BMPR1B: variants seen among roughly 807,000 people sequenced by gnomAD.
BMPR1B encodes bone morphogenetic protein receptor type 1B.
A neutral mutation model predicts 59.1 loss-of-function variants in BMPR1B; 12 were observed. That is an observed-to-expected ratio of 0.20 (90% CI 0.13 to 0.33). The LOEUF (loss-of-function observed/expected upper bound fraction) is 0.33, where lower values mean the gene tolerates loss of function less well. BMPR1B is among the 10% of genes least tolerant of loss of function. The pLI, the probability that BMPR1B is intolerant of heterozygous loss-of-function variation, is 1.00. For synonymous variants in BMPR1B, 237 were observed against 207.3 expected, an observed-to-expected ratio of 1.14 and a Z score of -1.23; for missense variants, 550 against 610.9, an observed-to-expected ratio of 0.90 and a Z score of 1.05.
chr4:95,149,604 C>G (rs1734891124), intron 11 of BMPR1B, among the ~76,000 whole-genome samples: 1 of 152,150 alleles, frequency 6.6e-6, no homozygotes. Flanking sequence ...TAAATTCTGA[C>G]ACCTTTTAGG....
At chr4:94,843,202 A>G (rs1725167248) in intron 1 of BMPR1B, among the ~76,000 whole-genome samples, 1 of 152,220 alleles carries the variant, frequency 6.6e-6, no homozygotes, top group African/African-American at 2.4e-5. Context: ...GACATCCATG[A>G]TCTTAACTAC....
chr4:95,116,421 G>GCGCACACACACACACACACACACACA, intron 6 of BMPR1B, among the ~76,000 whole-genome samples: 32 of 123,242 alleles, frequency 2.6e-4, no homozygotes, highest in African/African-American at 1.0e-3. Context: ...TTCAGCGCGC[G>GCGCACACACACACACACACACACACA]CACACACACA....
At position 94,871,007 on chromosome 4, in the gene BMPR1B, C is replaced by T. The variant is rs567340238; in HGVS notation, c.-182-4824C>T. Among the ~76,000 whole-genome samples, 38 of 150,386 alleles carry T rather than the reference C, an allele frequency of 2.5e-4. No homozygotes were observed. In the East Asian group the frequency reaches 3.2e-3, roughly 12 times the overall value. ...GATGATGATTTTTTTGGCGGGGGGG[C>T]GGGGTAAGAGGTACTTTGTTAAATG... On this transcript the variant is annotated intron_variant, in intron 1 of 12. Transcript: ENST00000515059.
At chr4:94,997,189 C>T (rs1002710051) in intron 3 of BMPR1B, among the ~76,000 whole-genome samples, 24 of 152,106 alleles carry the variant, frequency 1.6e-4, no homozygotes, top group African/African-American at 5.6e-4. Context: ...ATATTTAGAA[C>T]TGTTAAGTTA....
chr4:94,858,081 GACTACAGGTGCCCACC>G (rs1357852521), intron 1 of BMPR1B, among the ~76,000 whole-genome samples: 1 of 151,538 alleles, frequency 6.6e-6, no homozygotes, highest in African/African-American at 2.4e-5. Context: ...GAGTAGCTGG[GACTACAGGTGCCCACC>G]ACCACGCCTG....
At chr4:95,122,166 A>G (rs2149288799) in intron 6 of BMPR1B, among the ~76,000 whole-genome samples, 1 of 152,214 alleles carries the variant, frequency 6.6e-6, no homozygotes, top group African/African-American at 2.4e-5. Context: ...GCAAAAAGCC[A>G]TCTCTGCTAA....
intron 3 of BMPR1B, among the ~76,000 whole-genome samples, chr4:95,082,955 G>A (rs1031324530): frequency 3.5e-5 from 5 of 143,770 alleles, no homozygotes; most frequent in African/African-American, 5.1e-5. Context: ...GGAGAATGGC[G>A]TGAACCCGGG....
At position 94,762,146 on chromosome 4, in the gene BMPR1B, C is replaced by T. The variant is rs116252640; in HGVS notation, c.-183+4078C>T. The stretch of plus-strand genomic sequence containing the variant: ...ATGTTCAGGACATCCACTTACATGC[C>T]AATATTCTAATTACATTCATTTTTA... On this transcript the variant is annotated intron_variant, in intron 1 of 12. Coordinates refer to ENST00000515059, the MANE Select transcript of BMPR1B (RefSeq NM_001203.3). Among the ~76,000 whole-genome samples the T allele has an allele frequency of 4.5e-3, 681 of 152,196 alleles. 2 individuals are homozygous for T. The highest frequency in any genetic ancestry group is 0.015 in the African/African-American group (620 of 41,514).
chr4:94,892,215 G>A (rs1422994150), intron 2 of BMPR1B, among the ~76,000 whole-genome samples: 2 of 152,076 alleles, frequency 1.3e-5, no homozygotes, highest in African/African-American at 2.4e-5. Flanking sequence ...TGTTGTCCCA[G>A]TAGATTACGT....
At chr4:95,092,507 T>G (rs1323886486) in intron 3 of BMPR1B, among the ~76,000 whole-genome samples, 1 of 152,142 alleles carries the variant, frequency 6.6e-6, no homozygotes, top group African/African-American at 2.4e-5. Context: ...GAGATAGACC[T>G]TTAAACTCAT....
intron 1 of BMPR1B, among the ~76,000 whole-genome samples, chr4:94,763,718 G>A (rs771974967): frequency 6.6e-6 from 1 of 152,294 alleles, no homozygotes; most frequent in Middle Eastern, 3.4e-3. Context: ...GATGATTTAC[G>A]AATGTAAAAT....
intron 3 of BMPR1B, among the ~76,000 whole-genome samples, chr4:95,090,005 T>G (rs1004263080): frequency 6.6e-6 from 1 of 152,072 alleles, no homozygotes; most frequent in African/African-American, 2.4e-5. Context: ...CTTCTTTCAT[T>G]CGGCCTCAGG....
chr4:94,952,928 T>C (rs1730003513), intron 2 of BMPR1B, among the ~76,000 whole-genome samples: 1 of 152,224 alleles, frequency 6.6e-6, no homozygotes, highest in Non-Finnish European at 1.5e-5. Flanking sequence ...ACTTATGTTA[T>C]GAATCTGGGT....
intron 3 of BMPR1B, among the ~76,000 whole-genome samples, chr4:95,038,223 G>A (rs967227319): frequency 5.3e-5 from 8 of 152,132 alleles, no homozygotes; most frequent in African/African-American, 1.4e-4. Context: ...TGCCTTGTAT[G>A]TTTGAGGAAC....
chr4:94,924,280 T>G (rs1342285780), intron 2 of BMPR1B, among the ~76,000 whole-genome samples: 2 of 152,150 alleles, frequency 1.3e-5, no homozygotes, highest in Non-Finnish European at 2.9e-5. Context: ...CTTAAGTTTC[T>G]AAGCAAAACT....
chr4:94,891,100 C>A (rs1727375856), intron 2 of BMPR1B, among the ~76,000 whole-genome samples: 1 of 152,028 alleles, frequency 6.6e-6, no homozygotes, highest in Admixed American at 6.6e-5. Context: ...GAGATATTAT[C>A]TTTATATTTC....
At chr4:95,143,161 C>A (rs1447714283) in intron 10 of BMPR1B, among the ~76,000 whole-genome samples, 1 of 152,186 alleles carries the variant, frequency 6.6e-6, no homozygotes, top group East Asian at 1.9e-4. Flanking sequence ...TACACTAACA[C>A]CTGCAGTGCA....
intron 1 of BMPR1B, among the ~76,000 whole-genome samples, chr4:94,787,221 G>A (rs963077880): frequency 6.6e-6 from 1 of 152,076 alleles, no homozygotes; most frequent in Non-Finnish European, 1.5e-5. Context: ...CCACGTAGAG[G>A]TTTTTTATTC....
chr4:94,877,512 T>C (rs768043394), intron 2 of BMPR1B, among the ~76,000 whole-genome samples: 83 of 152,218 alleles, frequency 5.5e-4, no homozygotes, highest in Non-Finnish European at 9.1e-4. Context: ...GCCTGTGCAC[T>C]AGGCTCTGCA....
Sources: allele counts gnomAD v4.1 joint callset (sites outside exome capture counted in the v4.1 genomes callset), GRCh38; gene constraint gnomAD v4.1.1; transcripts MANE v1.5; gene names NCBI Gene and HGNC (gene_info 2026-07-23, HGNC 2026-07-21).